CTNNA2: variants seen among roughly 807,000 people sequenced by gnomAD.
The protein encoded by CTNNA2 is catenin alpha-2.
A neutral mutation model predicts 101.0 loss-of-function variants in CTNNA2; 42 were observed. The ratio of observed to expected loss-of-function variants is 0.42; its 90% CI spans 0.32 to 0.54. The LOEUF (loss-of-function observed/expected upper bound fraction) is 0.54. Among genes scored for constraint, CTNNA2 ranks in the 20% least tolerant of loss-of-function variants. CTNNA2 has a pLI of 0.14. For missense variants in CTNNA2, 871 were observed against 1,223.1 expected (o/e 0.71, Z 4.29); for synonymous variants, 450 against 456.4 (o/e 0.99, Z 0.18).
At position 79,376,575 on chromosome 2, in the gene CTNNA2, G is replaced by A. The variant is rs192983251; in HGVS notation, c.-135+2562G>A. Among the ~76,000 whole-genome samples, 97 of 151,942 alleles carry A rather than the reference G, an allele frequency of 6.4e-4. 1 individual carries two copies. Among genetic ancestry groups the A allele is most frequent in the Admixed American group, 2.6e-3 (40 of 15,250 alleles). ...ATGTATACATGTGCCATGTTGGTGT[G>A]CTGCACCCATTAACTCCTCATTTAA... On this transcript the variant is annotated intron_variant, in intron 4 of 21. Transcript: ENST00000466387.
At chr2:79,289,495 C>T (rs1437967274) in intron 2 of CTNNA2, among the ~76,000 whole-genome samples, 3 of 152,102 alleles carry the variant, frequency 2.0e-5, no homozygotes, top group East Asian at 3.9e-4. Flanking sequence ...GGCGTGGTGG[C>T]TCACGCCTGT....
chr2:79,492,666 A>C (rs1456479851), intron 4 of CTNNA2, among the ~76,000 whole-genome samples: 5 of 152,160 alleles, frequency 3.3e-5, no homozygotes, highest in African/African-American at 9.6e-5. Flanking sequence ...AGAAGTATTA[A>C]TACACATTTT....
At chr2:79,281,319 G>C (rs1361626336) in intron 2 of CTNNA2, 1 of 152,144 alleles carries the variant, frequency 6.6e-6, no homozygotes, top group Admixed American at 6.5e-5. Flanking sequence ...GTGATCTAAA[G>C]ATACTGGTCA....
At position 80,608,240 on chromosome 2, in the gene CTNNA2, G is replaced by T; in HGVS notation, c.2352G>T (p.Leu784Phe). ...TAGCCTACCTTCAACGAATTGCCTT[G>T]TATTGCCATCAGCTTAATATCTGCA... Reference protein sequence around the residue: ...DLLAYLQRIALYCHQLNICSK... With the variant: ...DLLAYLQRIAFYCHQLNICSK... Residue 784 changes from leucine to phenylalanine, a missense_variant, in exon 17 of 19, where the codon TTG (leucine) becomes TTT (phenylalanine). Physicochemically the swap from Leu to Phe is conservative, Grantham distance 22. Coordinates refer to ENST00000402739, the MANE Select transcript of CTNNA2 (RefSeq NM_001282597.3). 1 of 1,610,838 alleles carries T rather than the reference G, an allele frequency of 6.2e-7. No homozygotes were observed. The highest frequency in any genetic ancestry group is 8.5e-7 in the Non-Finnish European group (1 of 1,177,824).
intron 2 of CTNNA2, among the ~76,000 whole-genome samples, chr2:79,235,907 A>C (rs1558582406): frequency 2.0e-5 from 3 of 152,026 alleles, no homozygotes; most frequent in Admixed American, 6.6e-5. Flanking sequence ...TGCTGTCTGG[A>C]TGTTTTCTGG....
chr2:79,214,523 G>A (rs13005164), intron 2 of CTNNA2, among the ~76,000 whole-genome samples: 1 of 152,132 alleles, frequency 6.6e-6, no homozygotes, highest in Non-Finnish European at 1.5e-5. Context: ...AGTGATAACA[G>A]GCTTTAATCC....
intron 4 of CTNNA2, among the ~76,000 whole-genome samples, chr2:79,471,534 G>A (rs1029140601): frequency 6.6e-5 from 10 of 152,004 alleles, no homozygotes; most frequent in Middle Eastern, 3.2e-3. Flanking sequence ...CCATCACATC[G>A]GAGGTTAAGA....
chr2:79,595,724 C>T (rs1677147017), intron 1 of CTNNA2, among the ~76,000 whole-genome samples: 1 of 152,024 alleles, frequency 6.6e-6, no homozygotes, highest in African/African-American at 2.4e-5. Context: ...TGAGCTATTA[C>T]AAGAATCTCT....
chr2:79,782,052 T>C (rs1417344206), intron 3 of CTNNA2, among the ~76,000 whole-genome samples: 1 of 152,220 alleles, frequency 6.6e-6, no homozygotes, highest in African/African-American at 2.4e-5. Context: ...TACATGGATT[T>C]ATAGTGCTTG....
intron 9 of CTNNA2, among the ~76,000 whole-genome samples, chr2:80,455,197 A>T (rs1403961738): frequency 1.6e-4 from 24 of 152,242 alleles, no homozygotes; most frequent in Non-Finnish European, 4.4e-5. Context: ...CCTATAAATG[A>T]AATTTTTAAA....
chr2:79,342,857 C>T (rs1677168729), intron 3 of CTNNA2, among the ~76,000 whole-genome samples: 1 of 152,280 alleles, frequency 6.6e-6, no homozygotes, highest in Non-Finnish European at 1.5e-5. Flanking sequence ...GGGCTGACTT[C>T]ACTGCATCAT....
intron 4 of CTNNA2, among the ~76,000 whole-genome samples, chr2:79,430,507 A>G (rs576386455): frequency 6.6e-6 from 1 of 152,264 alleles, no homozygotes; most frequent in African/African-American, 2.4e-5. Context: ...ACAACAAAAA[A>G]TTACACACCA....
intron 7 of CTNNA2, among the ~76,000 whole-genome samples, chr2:80,253,272 A>G (rs1671901070): frequency 1.3e-5 from 2 of 152,168 alleles, no homozygotes; most frequent in African/African-American, 2.4e-5. Flanking sequence ...AGTTTGCACT[A>G]TATGATATCT....
At chr2:80,506,815 G>T (rs1456322049) in intron 9 of CTNNA2, among the ~76,000 whole-genome samples, 1 of 152,118 alleles carries the variant, frequency 6.6e-6, no homozygotes, top group African/African-American at 2.4e-5. Context: ...TCCCTTCATG[G>T]GAAGGAATAG....
intron 7 of CTNNA2, among the ~76,000 whole-genome samples, chr2:80,190,220 G>A (rs1334699368): frequency 6.6e-6 from 1 of 151,990 alleles, no homozygotes; most frequent in African/African-American, 2.4e-5. Flanking sequence ...AATGTGACAT[G>A]GGGTTTTACT....
At chr2:80,121,359 T>G (rs1573142803) in intron 7 of CTNNA2, among the ~76,000 whole-genome samples, 2 of 152,346 alleles carry the variant, frequency 1.3e-5, no homozygotes, top group East Asian at 3.9e-4. Flanking sequence ...TTATTATTAC[T>G]TTTATCCTCT....
At chr2:79,679,256 A>T (rs1683395391) in intron 2 of CTNNA2, among the ~76,000 whole-genome samples, 2 of 152,122 alleles carry the variant, frequency 1.3e-5, no homozygotes, top group African/African-American at 4.8e-5. Flanking sequence ...AATGTATCGG[A>T]TGAATATAAG....
intron 3 of CTNNA2, among the ~76,000 whole-genome samples, chr2:79,768,023 C>T (rs907319448): frequency 1.2e-4 from 18 of 151,596 alleles, no homozygotes; most frequent in African/African-American, 7.3e-5. Flanking sequence ...ATTTAGAGAC[C>T]CAGAGCACTT....
intron 2 of CTNNA2, among the ~76,000 whole-genome samples, chr2:79,307,203 T>C (rs535540877): frequency 6.6e-6 from 1 of 152,316 alleles, no homozygotes; most frequent in African/African-American, 2.4e-5. Flanking sequence ...AATGAGCATA[T>C]CCATCATCTC....
Sources: gnomAD v4.1 joint callset for allele counts (sites outside exome capture counted in the v4.1 genomes callset) on GRCh38, gnomAD v4.1.1 for gene constraint, MANE v1.5 for transcripts, NCBI Gene and HGNC (gene_info 2026-07-23, HGNC 2026-07-21) for gene names.